Variants in SP110 observed in about 807,000 individuals in gnomAD.
The protein encoded by SP110 is interferon-induced protein 41, 30kD.
SP110 carries 62 observed loss-of-function variants against 92.7 expected under a neutral mutation model. The observed-to-expected ratio is 0.67, with a 90% CI of 0.55 to 0.83. The LOEUF (loss-of-function observed/expected upper bound fraction) is 0.83, where lower values mean the gene tolerates loss of function less well. SP110 is among the 40% of genes least tolerant of loss of function. SP110 has a pLI of 0.00. For synonymous variants in SP110, 273 were observed against 305.3 expected (o/e 0.89, Z 1.10); for missense variants, 793 against 863.9 (o/e 0.92, Z 1.03).
At chr2:230,212,729 T>A in intron 4 of SP110, 32 bp downstream of exon 4, 1 of 1,612,980 alleles carries the variant, frequency 6.2e-7, no homozygotes, top group Non-Finnish European at 8.5e-7. Context: ...AGGCTGAGGA[T>A]ATACAGGTGT....
chr2:230,200,608 T>G (rs1195674213), intron 10 of SP110: 1 of 492,018 alleles, frequency 2.0e-6, no homozygotes, highest in Non-Finnish European at 3.7e-6. Flanking sequence ...GTGATATTGC[T>G]GCCAGTAGTG....
At chr2:230,221,562 C>T, upstream of SP110, 1 of 843,158 alleles carries the variant, frequency 1.2e-6, no homozygotes, top group East Asian at 2.7e-5. Flanking sequence ...ATGGAAGCCA[C>T]AGCCAGGAAA....
At chr2:230,182,990 G>A (rs1162402267) in intron 12 of SP110, among the ~76,000 whole-genome samples, 1 of 152,194 alleles carries the variant, frequency 6.6e-6, no homozygotes, top group Non-Finnish European at 1.5e-5. Flanking sequence ...ACCTTGGGTA[G>A]CACCTATTAT....
chr2:230,214,687 A>G (rs1179839850), intron 3 of SP110, among the ~76,000 whole-genome samples: 1 of 152,174 alleles, frequency 6.6e-6, no homozygotes, highest in Non-Finnish European at 1.5e-5. Flanking sequence ...TAGATTTTCC[A>G]GTATGCCAAA....
At chr2:230,186,574 T>C (rs945468258) in intron 10 of SP110, among the ~76,000 whole-genome samples, 1 of 152,230 alleles carries the variant, frequency 6.6e-6, no homozygotes, top group Non-Finnish European at 1.5e-5. Context: ...AATTATATAA[T>C]GGCAAAATCT....
chr2:230,181,371 C>T (rs1352628969), intron 12 of SP110, among the ~76,000 whole-genome samples: 1 of 152,262 alleles, frequency 6.6e-6, no homozygotes, highest in Admixed American at 6.5e-5. Context: ...GACCCATCCA[C>T]TTACTGACCT....
At chr2:230,176,990 T>C (rs1210786988) in intron 14 of SP110, among the ~76,000 whole-genome samples, 1 of 152,216 alleles carries the variant, frequency 6.6e-6, no homozygotes, top group Non-Finnish European at 1.5e-5. Flanking sequence ...TCCTTTCTCC[T>C]TCCATTTCTC....
chr2:230,221,541 G>A (rs1419197938), upstream of SP110, among the ~76,000 whole-genome samples: 1 of 152,210 alleles, frequency 6.6e-6, no homozygotes, highest in African/African-American at 2.4e-5. Flanking sequence ...GGCTGTGGGT[G>A]AAACAGAGGC....
chr2:230,182,831 G>T (rs1040318952), intron 12 of SP110, among the ~76,000 whole-genome samples: 1 of 152,118 alleles, frequency 6.6e-6, no homozygotes, highest in Non-Finnish European at 1.5e-5. Context: ...ATGCGACAGG[G>T]GCTTGATCAG....
rs2078301536 is a variant in SP110, at chr2:230,165,770, G to A, written c.*3354C>T. 6.6e-6 allele frequency among the ~76,000 whole-genome samples: 1 copy of A among 151,504 alleles called. No individual in the cohort carries two copies. The highest frequency in any genetic ancestry group is 2.4e-5 in the African/African-American group (1 of 41,226). On this transcript the variant is annotated 3_prime_UTR_variant, in exon 19 of 19. Coordinates refer to ENST00000258381, the MANE Select transcript of SP110 (RefSeq NM_080424.4). ...TTGGGAAAACTTATGGGTAAATATT[G>A]GAACTAAAAGCCGTTACGATGCCTT...
In SP110 at chr2:230,203,297, T is replaced by C. The variant is rs140796259; in HGVS notation, c.899-569A>G. 138 of 159,732 alleles carry C rather than the reference T, an allele frequency of 8.6e-4. 4 individuals are homozygous for C. In the South Asian group the frequency reaches 0.023, roughly 26 times the overall value. The allele number at this position is 159,732 out of a possible 1,614,324, so 9.9% of individuals were successfully genotyped here. On this transcript the variant is annotated intron_variant, in intron 8 of 18. Coordinates refer to ENST00000258381, the MANE Select transcript of SP110 (RefSeq NM_080424.4). ...GTGCAGAGGTGAGTTTGCTTCATTGTGGAAAAAGAACACAATTTTCACCGG... is the reference window on the plus strand; with the variant it reads ...GTGCAGAGGTGAGTTTGCTTCATTGCGGAAAAAGAACACAATTTTCACCGG...
intron 13 of SP110, 144 bp from the exon 14 acceptor site, chr2:230,177,824 G>A (rs536167085): frequency 2.2e-5 from 21 of 962,046 alleles, no homozygotes; most frequent in East Asian, 1.9e-4. Context: ...GGGAGTCTGC[G>A]GGCCTCTTCT....
In SP110 at chr2:230,166,245, C is replaced by T. The variant is rs2078309745; in HGVS notation, c.*2879G>A. Among the ~76,000 whole-genome samples, 2 of 152,142 alleles carry T rather than the reference C, an allele frequency of 1.3e-5. No homozygotes were observed. The highest frequency in any genetic ancestry group is 1.5e-5 in the Non-Finnish European group (1 of 68,020). On this transcript the variant is annotated 3_prime_UTR_variant, in exon 19 of 19. Coordinates refer to ENST00000258381, the MANE Select transcript of SP110 (RefSeq NM_080424.4). ...TGAAATAGATGACTTCTTAGAAAAA[C>T]ATAAAAGCAGAGCTGTCTCAAAAAC...
At chr2:230,212,240 TC>T in intron 5 of SP110, 106 bp downstream of exon 5, 1 of 814,644 alleles carries the variant, frequency 1.2e-6, no homozygotes. Flanking sequence ...TTTGTATTGC[TC>T]AGTTCTTTTT....
At chr2:230,187,922 A>C (rs574551439) in intron 10 of SP110, among the ~76,000 whole-genome samples, 1 of 152,076 alleles carries the variant, frequency 6.6e-6, no homozygotes, top group Non-Finnish European at 1.5e-5. Context: ...AAGTCTGGTA[A>C]TGTGATGCCT....
At chr2:230,213,279 A>G (rs7601299) in intron 3 of SP110, among the ~76,000 whole-genome samples, 114,139 of 152,050 alleles carry the variant, frequency 0.75, 43,220 homozygotes, top group East Asian at 0.88. Flanking sequence ...GGTTTCACAC[A>G]TAAAAGTTGA....
intron 12 of SP110, 68 bp downstream of exon 12, chr2:230,183,504 T>G (rs1574620291): frequency 1.0e-6 from 1 of 994,726 alleles, no homozygotes; most frequent in Admixed American, 1.7e-5. Context: ...AGAGGGCGGG[T>G]GGAGCTTCCA....
rs564380744 is a variant in SP110 at position 230,166,050 on chromosome 2, C to A, written c.*3074G>T. Among the ~76,000 whole-genome samples the A allele has an allele frequency of 6.6e-6, 1 of 152,080 alleles. No individual in the cohort carries two copies. Among genetic ancestry groups the A allele is most frequent in the African/African-American group, 2.4e-5 (1 of 41,478 alleles). On this transcript the variant is annotated 3_prime_UTR_variant, in exon 19 of 19. Transcript: ENST00000258381. Reference sequence around the variant, plus strand: ...CTGGGACTACAGGCGCCCGCCACCACGCCTGGCTAATTTTTGTATTTTTAG... The same window carrying A: ...CTGGGACTACAGGCGCCCGCCACCAAGCCTGGCTAATTTTTGTATTTTTAG...
intron 3 of SP110, 104 bp downstream of exon 3, chr2:230,214,846 G>A (rs893314162): frequency 1.8e-5 from 17 of 939,618 alleles, no homozygotes; most frequent in Middle Eastern, 2.6e-4. Context: ...ACCCCAGAGA[G>A]AAGGCGGGGG....
Sources: gnomAD v4.1 joint callset for allele counts (sites outside exome capture counted in the v4.1 genomes callset) on GRCh38, gnomAD v4.1.1 for gene constraint, MANE v1.5 for transcripts, NCBI Gene and HGNC (gene_info 2026-07-23, HGNC 2026-07-21) for gene names.